Variants in VANGL1 observed in about 807,000 individuals in gnomAD.
The protein encoded by VANGL1 is vang-like protein 1.
VANGL1 carries 18 observed loss-of-function variants against 48.4 expected under a neutral mutation model. The ratio of observed to expected loss-of-function variants is 0.37; its 90% CI spans 0.26 to 0.55. The LOEUF is 0.55. Ranked by LOEUF, VANGL1 falls within the 20% of genes least tolerant of loss-of-function variation. The pLI, the probability that VANGL1 is intolerant of heterozygous loss-of-function variation, is 0.81. For synonymous variants in VANGL1, 257 were observed against 261.8 expected (o/e 0.98, Z 0.18); for missense variants, 667 against 675.8 (o/e 0.99, Z 0.14).
At chr1:115,651,609 A>G (rs1353212813) in intron 2 of VANGL1, 125 bp downstream of exon 2, 2 of 776,280 alleles carry the variant, frequency 2.6e-6, no homozygotes, top group Non-Finnish European at 4.4e-6. Context: ...TGAGAAGCTG[A>G]GCTTTAAGAG....
chr1:115,668,009 G>T lies in VANGL1; in HGVS notation c.812+3741G>T, dbSNP rs575124205. ...TCTTACTGGGAGCCAGGTACCTTCT[G>T]ATCTTTTAATGTGCAACTCAGTTTT... On this transcript the variant is annotated intron_variant, in intron 4 of 7. Transcript: ENST00000355485. Among the ~76,000 whole-genome samples, 47 of 152,304 alleles carry T rather than the reference G, an allele frequency of 3.1e-4. No homozygotes were observed. In the South Asian group the frequency reaches 9.1e-3, roughly 30 times the overall value.
chr1:115,662,399 A>G (rs1652594107), intron 3 of VANGL1, among the ~76,000 whole-genome samples: 1 of 152,230 alleles, frequency 6.6e-6, no homozygotes, highest in African/African-American at 2.4e-5. Flanking sequence ...TTTCAGAGGC[A>G]GAAACCTCTT....
chr1:115,687,991 C>T lies in VANGL1; in HGVS notation c.1314+2464C>T, dbSNP rs61797704. ...ATAGATAGATAGATAGATAGATAGACACATAGATAGATACATAGATAGATA... is the reference window on the plus strand; with the variant it reads ...ATAGATAGATAGATAGATAGATAGATACATAGATAGATACATAGATAGATA... On this transcript the variant is annotated intron_variant, in intron 7 of 7. Transcript: ENST00000355485. Among the ~76,000 whole-genome samples, 11 of 94,112 alleles carry T rather than the reference C, an allele frequency of 1.2e-4. 3 individuals carry two copies. The highest frequency in any genetic ancestry group is 5.7e-4 in the East Asian group (2 of 3,484). The allele number at this position is 94,112 out of a possible 152,430, so 61.7% of individuals were successfully genotyped here.
At chr1:115,685,180 G>T in intron 6 of VANGL1, 113 bp from the exon 7 acceptor site, 1 of 1,101,692 alleles carries the variant, frequency 9.1e-7, no homozygotes, top group Non-Finnish European at 1.4e-6. Context: ...CAGCGTGATT[G>T]GGCCTTGGGT....
At chr1:115,656,080 C>T (rs757285361) in intron 2 of VANGL1, among the ~76,000 whole-genome samples, 13 of 152,172 alleles carry the variant, frequency 8.5e-5, no homozygotes, top group South Asian at 4.2e-4. Flanking sequence ...CAGTACCTGG[C>T]GCAGTGCTAG....
intron 2 of VANGL1, among the ~76,000 whole-genome samples, chr1:115,658,374 T>G (rs1652420890): frequency 6.6e-6 from 1 of 152,244 alleles, no homozygotes; most frequent in African/African-American, 2.4e-5. Context: ...GACACCATTC[T>G]TTGACACTGG....
chr1:115,659,183 T>A (rs1270417709), intron 2 of VANGL1, among the ~76,000 whole-genome samples: 3 of 152,136 alleles, frequency 2.0e-5, no homozygotes, highest in Non-Finnish European at 2.9e-5. Flanking sequence ...TGTCCCAGAT[T>A]TTTTTGGATA....
intron 7 of VANGL1, 148 bp from the exon 8 acceptor site, chr1:115,690,971 G>T: frequency 9.2e-7 from 1 of 1,090,262 alleles, no homozygotes; most frequent in East Asian, 2.6e-5. Context: ...AGGGTCTGAT[G>T]GGAATTGAGT....
rs1199553568 is a variant in VANGL1 at position 115,696,121 on chromosome 1, G to A, written c.*4742G>A. The A allele has an allele frequency of 6.6e-6, 1 of 152,646 alleles. No individual in the cohort carries two copies. The highest frequency in any genetic ancestry group is 1.5e-5 in the Non-Finnish European group (1 of 68,396). 9.5% of individuals were successfully genotyped at this position (152,646 alleles called of 1,614,324 possible). ...GTTCTGGCAGCCCCCCTTTGCTTTTGCCTGGCCCCACCTTCTGCTCCCACT... is the reference window on the plus strand; with the variant it reads ...GTTCTGGCAGCCCCCCTTTGCTTTTACCTGGCCCCACCTTCTGCTCCCACT... On this transcript the variant is annotated 3_prime_UTR_variant, in exon 8 of 8. Coordinates refer to ENST00000355485, the MANE Select transcript of VANGL1 (RefSeq NM_138959.3).
Position 115,678,352 on chromosome 1 carries a change from G to A in VANGL1, c.813-4012G>A, listed in dbSNP as rs1006237446. ...AGAGGAATGCTGGGCACGGACAGTGGCGGAGGGAATGGCTGCTCCCTGCAT... is the reference window on the plus strand; with the variant it reads ...AGAGGAATGCTGGGCACGGACAGTGACGGAGGGAATGGCTGCTCCCTGCAT... On this transcript the variant is annotated intron_variant, in intron 4 of 7. Transcript: ENST00000355485. Among the ~76,000 whole-genome samples the A allele has an allele frequency of 1.4e-4, 22 of 152,326 alleles. No homozygotes were observed. In the South Asian group the frequency reaches 2.9e-3, roughly 20 times the overall value.
chr1:115,664,339 G>C (rs1254408385), intron 4 of VANGL1, 71 bp downstream of exon 4: 6 of 1,559,908 alleles, frequency 3.8e-6, no homozygotes, highest in Non-Finnish European at 5.2e-6. Flanking sequence ...TCTGTAGCAC[G>C]TGAGGGGTGG....
intron 1 of VANGL1, among the ~76,000 whole-genome samples, chr1:115,649,615 T>G (rs755920860): frequency 6.6e-6 from 1 of 152,252 alleles, no homozygotes; most frequent in African/African-American, 2.4e-5. Flanking sequence ...GGTGCCTTCA[T>G]AGTTGTTAGC....
intron 4 of VANGL1, among the ~76,000 whole-genome samples, chr1:115,678,143 G>A (rs1349052218): frequency 6.6e-6 from 1 of 152,198 alleles, no homozygotes; most frequent in Non-Finnish European, 1.5e-5. Context: ...TGTTGAAGGG[G>A]CAAGACCAGC....
intron 7 of VANGL1, among the ~76,000 whole-genome samples, chr1:115,690,900 T>C (rs984927334): frequency 1.3e-5 from 2 of 152,084 alleles, no homozygotes; most frequent in African/African-American, 4.8e-5. Context: ...TGGTGGATAG[T>C]AGGTAAAGGG....
intron 1 of VANGL1, among the ~76,000 whole-genome samples, chr1:115,647,037 G>A (rs770633346): frequency 2.6e-5 from 4 of 152,194 alleles, no homozygotes; most frequent in Admixed American, 1.3e-4. Context: ...CTAGAGCGTC[G>A]GGCAGGACAT....
rs1416893946 is a variant in VANGL1, at chr1:115,691,444, C to T, written c.*65C>T. The T allele has an allele frequency of 2.5e-5, 38 of 1,501,770 alleles. No individual in the cohort carries two copies. Among genetic ancestry groups the T allele is most frequent in the Non-Finnish European group, 3.1e-5 (35 of 1,117,412 alleles). The allele number at this position is 1,501,770 out of a possible 1,614,324, so 93.0% of individuals were successfully genotyped here. A position where few individuals can be genotyped will look rare whatever the true frequency, so the allele number is the denominator to read the frequency against. ...ATATATAGAGAGATATATATCTATG[C>T]CAGAGGGGTGTCTTTTTTAAAAATT... On this transcript the variant is annotated 3_prime_UTR_variant, in exon 8 of 8. Transcript: ENST00000355485.
intron 4 of VANGL1, 117 bp downstream of exon 4, chr1:115,664,385 C>A: frequency 6.9e-7 from 1 of 1,458,656 alleles, no homozygotes; most frequent in Non-Finnish European, 9.1e-7. Flanking sequence ...GAGTCTGACT[C>A]TTTTCTGGTT....
intron 3 of VANGL1, 135 bp from the exon 4 acceptor site, chr1:115,663,526 G>A: frequency 8.3e-7 from 1 of 1,211,786 alleles, no homozygotes. Flanking sequence ...AATATTTAAA[G>A]AGTTAAGCTT....
chr1:115,693,582 A>G lies in VANGL1; in HGVS notation c.*2203A>G, dbSNP rs1653928755. On this transcript the variant is annotated 3_prime_UTR_variant, in exon 8 of 8. Transcript: ENST00000355485. ...GTCTTTGCATAGGAGAATGTTAGACATTCAGAAATTACTGTTTCTGTTTTA... is the reference window on the plus strand; with the variant it reads ...GTCTTTGCATAGGAGAATGTTAGACGTTCAGAAATTACTGTTTCTGTTTTA... 1 of 152,224 alleles carries G rather than the reference A, an allele frequency of 6.6e-6. No individual in the cohort carries two copies. The highest frequency in any genetic ancestry group is 2.4e-5 in the African/African-American group (1 of 41,466). The allele number at this position is 152,224 out of a possible 1,614,324, so 9.4% of individuals were successfully genotyped here.
Sources: gnomAD v4.1 joint callset for allele counts (sites outside exome capture counted in the v4.1 genomes callset) on GRCh38, gnomAD v4.1.1 for gene constraint, MANE v1.5 for transcripts, NCBI Gene and HGNC (gene_info 2026-07-23, HGNC 2026-07-21) for gene names.